Variants in RC3H1 observed in about 807,000 individuals in gnomAD.
RC3H1 encodes the protein ring finger and CCCH-type domains 1.
Under a neutral mutation model 138.2 loss-of-function variants are expected in RC3H1, and 50 were observed. The observed-to-expected ratio is 0.36, with a 90% confidence interval of 0.29 to 0.46. The LOEUF (loss-of-function observed/expected upper bound fraction) is 0.46. Ranked by LOEUF, RC3H1 falls within the 20% of genes least tolerant of loss-of-function variation. The pLI is 1.00. For synonymous variants in RC3H1, 462 were observed against 489.1 expected (o/e 0.94, Z 0.73); for missense variants, 1,031 against 1,388.1 (o/e 0.74, Z 4.09).
At chr1:173,942,707 C>T (rs1012727591) in intron 18 of RC3H1, among the ~76,000 whole-genome samples, 2 of 151,424 alleles carry the variant, frequency 1.3e-5, no homozygotes, top group African/African-American at 2.4e-5. Context: ...TGGCAGGCGC[C>T]TAGTCCCAGC....
At chr1:173,974,029 A>C (rs569398904) in intron 7 of RC3H1, among the ~76,000 whole-genome samples, 1 of 152,232 alleles carries the variant, frequency 6.6e-6, no homozygotes, top group African/African-American at 2.4e-5. Context: ...AAGTGGGGCC[A>C]ATGTGTAAAA....
chr1:173,980,133 C>T (rs1660752247), intron 6 of RC3H1, among the ~76,000 whole-genome samples: 1 of 151,632 alleles, frequency 6.6e-6, no homozygotes, highest in Non-Finnish European at 1.5e-5. Flanking sequence ...CCACCTTGGC[C>T]TCTCAAAGTG....
chr1:174,005,523 T>C (rs953225983), intron 1 of RC3H1, among the ~76,000 whole-genome samples: 3 of 152,206 alleles, frequency 2.0e-5, no homozygotes, highest in East Asian at 1.9e-4. Context: ...ATTGTCTCAA[T>C]TGAATCATAA....
chr1:173,983,554 A>G lies in RC3H1; in HGVS notation c.456T>C (p.Ile152=), dbSNP rs1306380230. The change falls in exon 4 of 20, where the codon ATT becomes ATC. Residue 152 remains isoleucine, a synonymous_variant. Coordinates refer to ENST00000367696, the MANE Select transcript of RC3H1 (RefSeq NM_172071.4). ...HCQLVEEEGR[I]RAMRAARSLG... The stretch of plus-strand genomic sequence containing the variant: ...AAGATCGAGCTGCCCTCATGGCACG[A>G]ATCCTGCCTTCTTCTTCTACTAGTT... 6.2e-7 allele frequency: 1 copy of G among 1,614,222 alleles called. No individual in the cohort carries two copies. The highest frequency in any genetic ancestry group is 1.1e-5 in the South Asian group (1 of 91,086).
chr1:173,944,773 T>C lies in RC3H1; in HGVS notation c.2962-1158A>G, dbSNP rs574547291. On this transcript the variant is annotated intron_variant, in intron 17 of 19. Transcript: ENST00000367696. ...GGCGAAAGCAGACAAAATCTAAGTA[T>C]TACATAGATTTTTAAAATTCCTAAA... Among the ~76,000 whole-genome samples the C allele has an allele frequency of 6.6e-5, 10 of 152,290 alleles. No homozygotes were observed. In the South Asian group the frequency reaches 1.2e-3, roughly 19 times the overall value.
chr1:173,992,393 C>T (rs1333728589), intron 2 of RC3H1, among the ~76,000 whole-genome samples: 1 of 152,012 alleles, frequency 6.6e-6, no homozygotes, highest in African/African-American at 2.4e-5. Context: ...ATGATCCACC[C>T]GCCTTGGCCC....
intron 7 of RC3H1, among the ~76,000 whole-genome samples, chr1:173,973,885 G>A (rs1432265234): frequency 6.6e-6 from 1 of 152,010 alleles, no homozygotes; most frequent in Non-Finnish European, 1.5e-5. Flanking sequence ...CTAGTTGTTG[G>A]GTAAGCAATA....
intron 11 of RC3H1, among the ~76,000 whole-genome samples, chr1:173,962,889 T>C (rs1659942255): frequency 6.6e-6 from 1 of 152,164 alleles, no homozygotes; most frequent in Non-Finnish European, 1.5e-5. Context: ...GAATTAGTAA[T>C]GCCATATCAA....
intron 18 of RC3H1, among the ~76,000 whole-genome samples, chr1:173,941,927 C>T (rs1658882244): frequency 1.4e-5 from 2 of 143,174 alleles, no homozygotes; most frequent in Admixed American, 1.4e-4. Flanking sequence ...GTGAGACTCC[C>T]TCTCAAAAAA....
intron 2 of RC3H1, among the ~76,000 whole-genome samples, chr1:173,987,635 T>A (rs184772397): frequency 6.6e-6 from 1 of 152,340 alleles, no homozygotes; most frequent in Non-Finnish European, 1.5e-5. Flanking sequence ...GAAACCAAGA[T>A]ATGAATGCTA....
intron 1 of RC3H1, among the ~76,000 whole-genome samples, chr1:174,007,156 A>G (rs1337500027): frequency 1.3e-5 from 2 of 152,194 alleles, no homozygotes; most frequent in East Asian, 3.9e-4. Context: ...TTGGGAGGCC[A>G]AGGCAGGCAG....
intron 1 of RC3H1, among the ~76,000 whole-genome samples, chr1:174,012,742 C>T (rs752369812): frequency 5.4e-5 from 8 of 149,480 alleles, no homozygotes; most frequent in East Asian, 2.0e-4. Context: ...CAAGATCACG[C>T]GACTGCACTC....
chr1:174,020,482 T>C (rs888778223), intron 1 of RC3H1, among the ~76,000 whole-genome samples: 8 of 152,180 alleles, frequency 5.3e-5, no homozygotes, highest in Non-Finnish European at 4.4e-5. Context: ...AAATTTACCC[T>C]TAGAAGAGGT....
intron 13 of RC3H1, among the ~76,000 whole-genome samples, chr1:173,954,426 G>T (rs1024304403): frequency 2.0e-5 from 3 of 152,034 alleles, no homozygotes; most frequent in Non-Finnish European, 2.9e-5. Flanking sequence ...GAAAGGGAAT[G>T]GGGGGAGGGA....
rs1252654695 is a variant in RC3H1, at chr1:173,983,560, G to T, written c.450C>A (p.Gly150=). 1 of 1,614,182 alleles carries T rather than the reference G, an allele frequency of 6.2e-7. No individual in the cohort carries two copies. The highest frequency in any genetic ancestry group is 1.7e-5 in the Admixed American group (1 of 60,022). ...GAGCTGCCCTCATGGCACGAATCCTGCCTTCTTCTTCTACTAGTTGACAGT... is the reference window on the plus strand; with the variant it reads ...GAGCTGCCCTCATGGCACGAATCCTTCCTTCTTCTTCTACTAGTTGACAGT... ...LVHCQLVEEE[G]RIRAMRAARS... Residue 150 remains glycine, a synonymous_variant, in exon 4 of 20, where the codon GGC becomes GGA. Transcript: ENST00000367696.
chr1:173,934,467 G>A lies in RC3H1; in HGVS notation c.*4254C>T, dbSNP rs529741502. On this transcript the variant is annotated 3_prime_UTR_variant, in exon 20 of 20. Coordinates refer to ENST00000367696, the MANE Select transcript of RC3H1 (RefSeq NM_172071.4). ...TAGCTAACTTTAACAGTTAACTTTAGATAAATCTACTTACACAGTACAATC... is the reference window on the plus strand; with the variant it reads ...TAGCTAACTTTAACAGTTAACTTTAAATAAATCTACTTACACAGTACAATC... 88 of 152,194 alleles carry A rather than the reference G, an allele frequency of 5.8e-4. 1 individual carries two copies. The highest frequency in any genetic ancestry group is 2.0e-3 in the African/African-American group (84 of 41,552). 9.4% of individuals were successfully genotyped at this position (152,194 alleles called of 1,614,324 possible).
At chr1:173,955,922 GGA>G (rs1193077093) in intron 13 of RC3H1, among the ~76,000 whole-genome samples, 1 of 152,068 alleles carries the variant, frequency 6.6e-6, no homozygotes, top group Non-Finnish European at 1.5e-5. Flanking sequence ...TCTGAGGTTA[GGA>G]GATCAAGACC....
chr1:173,938,534 A>T lies in RC3H1; in HGVS notation c.*187T>A. ...TTTTCTTTTTCTTTAAATTAAAAAAATGCATTAATGTGAACTATGTGCAGG... is the reference window on the plus strand; with the variant it reads ...TTTTCTTTTTCTTTAAATTAAAAAATTGCATTAATGTGAACTATGTGCAGG... On this transcript the variant is annotated 3_prime_UTR_variant, in exon 20 of 20. Coordinates refer to ENST00000367696, the MANE Select transcript of RC3H1 (RefSeq NM_172071.4). 1 of 414,254 alleles carries T rather than the reference A, an allele frequency of 2.4e-6. No homozygotes were observed. Among genetic ancestry groups the T allele is most frequent in the African/African-American group, 2.0e-5 (1 of 49,124 alleles). The allele number at this position is 414,254 out of a possible 1,614,324, so 25.7% of individuals were successfully genotyped here.
chr1:174,012,069 G>A (rs1229849509), intron 1 of RC3H1, among the ~76,000 whole-genome samples: 1 of 151,882 alleles, frequency 6.6e-6, no homozygotes, highest in Non-Finnish European at 1.5e-5. Flanking sequence ...AAATTAGCAG[G>A]GTGTGCTGGC....
Sources: allele counts gnomAD v4.1 joint callset (sites outside exome capture counted in the v4.1 genomes callset), GRCh38; gene constraint gnomAD v4.1.1; transcripts MANE v1.5; gene names NCBI Gene and HGNC (gene_info 2026-07-23, HGNC 2026-07-21).